Variants in PRMT5 observed in about 807,000 individuals in gnomAD.
PRMT5 encodes the protein protein arginine methyltransferase 5.
PRMT5 carries 15 observed loss-of-function variants against 84.0 expected under a neutral mutation model. The observed-to-expected ratio is 0.18, with a 90% CI of 0.12 to 0.28. PRMT5 has a LOEUF of 0.28. Ranked by LOEUF, PRMT5 falls within the 10% of genes least tolerant of loss-of-function variation. The pLI is 1.00. For synonymous variants in PRMT5, 276 were observed against 292.4 expected (o/e 0.94, Z 0.57); for missense variants, 486 against 808.0 (o/e 0.60, Z 4.83).
chr14:22,922,027 A>G, intron 16 of PRMT5, 149 bp downstream of exon 16: 1 of 729,382 alleles, frequency 1.4e-6, no homozygotes, highest in Non-Finnish European at 2.4e-6. Flanking sequence ...CACTCCAAAT[A>G]CTCCCAACAC....
intron 13 of PRMT5, 63 bp downstream of exon 13, chr14:22,922,988 C>T: frequency 6.9e-7 from 1 of 1,450,548 alleles, no homozygotes. Flanking sequence ...ATAGCTGATG[C>T]AAATACAGAA....
At position 22,923,544 on chromosome 14, in the gene PRMT5, C is replaced by T. The variant is rs1034361123; in HGVS notation, c.1376-384G>A. On this transcript the variant is annotated intron_variant, in intron 12 of 16. Coordinates refer to ENST00000324366, the MANE Select transcript of PRMT5 (RefSeq NM_006109.5). This position sits in a 1 kb window ranked among gnomAD's most constrained non-coding sequence, Gnocchi z 5.2. Reference sequence around the variant, plus strand: ...TATTTATTTATTTGAGATGGAGTCTCGCTCTGTTGCCCAGGCTGGAGTGCA... The same window carrying T: ...TATTTATTTATTTGAGATGGAGTCTTGCTCTGTTGCCCAGGCTGGAGTGCA... The T allele has an allele frequency of 6.5e-6, 1 of 153,072 alleles. No individual in the cohort carries two copies. Among genetic ancestry groups the T allele is most frequent in the Non-Finnish European group, 1.4e-5 (1 of 70,106 alleles). The allele number at this position is 153,072 out of a possible 1,614,324, so 9.5% of individuals were successfully genotyped here.
intron 16 of PRMT5, 45 bp downstream of exon 16, chr14:22,922,131 G>T: frequency 6.8e-7 from 1 of 1,478,432 alleles, no homozygotes; most frequent in African/African-American, 1.4e-5. Context: ...AACACCAAAG[G>T]CAAAGGTTAC....
chr14:22,924,119 C>G lies in PRMT5; in HGVS notation c.1264G>C (p.Glu422Gln). Residue 422 changes from glutamate (E) to glutamine (Q), a missense_variant, in exon 12 of 17, where the codon GAA (glutamate) becomes CAA (glutamine). Glu to Gln is a conservative substitution (Grantham distance 29). Transcript: ENST00000324366. This position sits in a 1 kb window ranked among gnomAD's most constrained non-coding sequence, Gnocchi z 6.5. ...QVTVVSSDMR[E>Q]WVAPEKADII... ...TCTGCTTTCTCTGGAGCCACCCATT[C>G]CCTCATGTCTGATGAGACTACGGTC... 2 of 1,613,704 alleles carry G rather than the reference C, an allele frequency of 1.2e-6. No homozygotes were observed. The highest frequency in any genetic ancestry group is 8.5e-7 in the Non-Finnish European group (1 of 1,179,782).
At position 22,929,329 on chromosome 14, in the gene PRMT5, C is replaced by T; in HGVS notation, c.33G>A (p.Gly11=). Reference sequence around the variant, plus strand: ...GGTCCCTCCCGCTGGACACGCGGCTCCCACCAGCACCCCCGACCGCCATCG... The same window carrying T: ...GGTCCCTCCCGCTGGACACGCGGCTTCCACCAGCACCCCCGACCGCCATCG... MAAMAVGGAG[G]SRVSSGRDLN... The change falls in exon 1 of 17, where the codon GGG becomes GGA. Residue 11 remains glycine, a synonymous_variant. Transcript: ENST00000324366. 6.2e-7 allele frequency: 1 copy of T among 1,611,620 alleles called. No individual in the cohort carries two copies. The highest frequency in any genetic ancestry group is 8.5e-7 in the Non-Finnish European group (1 of 1,179,416).
chr14:22,923,830 ACT>A lies in PRMT5; in HGVS notation c.1375+176_1375+177del, dbSNP rs1215688828. Among the ~76,000 whole-genome samples, 10 of 152,246 alleles carry A rather than the reference ACT, an allele frequency of 6.6e-5. No individual in the cohort carries two copies. Among genetic ancestry groups the A allele is most frequent in the Non-Finnish European group, 1.3e-4 (9 of 68,022 alleles). On this transcript the variant is annotated intron_variant, in intron 12 of 16. Transcript: ENST00000324366. The surrounding 1 kb of genome is among the most constrained non-coding windows in gnomAD (Gnocchi z 5.2). The stretch of plus-strand genomic sequence containing the variant: ...CTCCCTTCATTTTACAAATATGAAC[ACT>A]AAGGTTTGGAGAGATGACTTCATTT...
intron 5 of PRMT5, 53 bp downstream of exon 5, chr14:22,926,649 C>G: frequency 1.3e-6 from 2 of 1,594,848 alleles, no homozygotes; most frequent in Non-Finnish European, 1.7e-6. Context: ...GCACCCTGTA[C>G]TTCCCCTCAC....
chr14:22,922,002 A>G, intron 16 of PRMT5, 174 bp downstream of exon 16: 2 of 654,070 alleles, frequency 3.1e-6, no homozygotes, highest in Admixed American at 2.7e-5. Flanking sequence ...GATGCGGGAA[A>G]GCCAGGCAGA....
rs1354453445 is a variant in PRMT5, at chr14:22,928,722, T to TCA, written c.111-109_111-108dup. ...TTTTGCACAGCCCTTTCAGCTGCCATCAGTTCAGCCTACTAGGCTGCTGAG... is the reference window on the plus strand; with the variant it reads ...TTTTGCACAGCCCTTTCAGCTGCCATCACAGTTCAGCCTACTAGGCTGCTGAG... On this transcript the variant is annotated intron_variant, in intron 1 of 16. Coordinates refer to ENST00000324366, the MANE Select transcript of PRMT5 (RefSeq NM_006109.5). This position sits in a 1 kb window ranked among gnomAD's most constrained non-coding sequence, Gnocchi z 4.8. 205 of 915,490 alleles carry TCA rather than the reference T, an allele frequency of 2.2e-4. No homozygotes were observed. The highest frequency in any genetic ancestry group is 2.0e-3 in the Middle Eastern group (7 of 3,468). The allele number at this position is 915,490 out of a possible 1,614,324, so 56.7% of individuals were successfully genotyped here. A position where few individuals can be genotyped will look rare whatever the true frequency, so the allele number is the denominator to read the frequency against.
chr14:22,926,579 T>G, intron 5 of PRMT5, 24 bp from the exon 6 acceptor site: 1 of 1,613,822 alleles, frequency 6.2e-7, no homozygotes, highest in Non-Finnish European at 8.5e-7. Context: ...TACAGAAAAG[T>G]ACAGTAAACT....
Position 22,923,210 on chromosome 14 carries a change from T to G in PRMT5, c.1376-50A>C. 2 of 1,389,030 alleles carry G rather than the reference T, an allele frequency of 1.4e-6. No individual in the cohort carries two copies. The highest frequency in any genetic ancestry group is 2.0e-6 in the Non-Finnish European group (2 of 1,001,644). 86.0% of individuals were successfully genotyped at this position (1,389,030 alleles called of 1,614,324 possible). On this transcript the variant is annotated intron_variant, in intron 12 of 16. Coordinates refer to ENST00000324366, the MANE Select transcript of PRMT5 (RefSeq NM_006109.5). The surrounding 1 kb of genome is among the most constrained non-coding windows in gnomAD (Gnocchi z 5.2). ...GTTCCAGAGGGAGGGAAATGGTATG[T>G]CTGTACTAACTGAAGGATCAGAAGG...
chr14:22,925,151 C>A, intron 7 of PRMT5, 111 bp from the exon 8 acceptor site: 6 of 867,866 alleles, frequency 6.9e-6, no homozygotes, highest in South Asian at 2.3e-5. Context: ...CAACAGTTCT[C>A]TTTTTTTTTT....
rs559519081 is a variant in PRMT5 at position 22,922,784 on chromosome 14, A to C, written c.1537T>G (p.Ser513Ala). The C allele has an allele frequency of 6.2e-7, 1 of 1,614,000 alleles. No individual in the cohort carries two copies. The highest frequency in any genetic ancestry group is 2.2e-5 in the East Asian group (1 of 44,884). The change falls in exon 14 of 17, where the codon TCT becomes GCT. Residue 513 changes from serine to alanine, a missense_variant. By Grantham distance (99) the Ser-to-Ala change is moderately conservative (BLOSUM62 1). Transcript: ENST00000324366. ...VVRLHNFHQL[S>A]APQPCFTFSH... ...AAGGTGAAACAGGGCTGGGGTGCAG[A>C]GAGCTGGTGGAAGTTGTGCAGCCGT... is the stretch of plus-strand genomic sequence containing the variant.
At position 22,927,474 on chromosome 14, in the gene PRMT5, G is replaced by A. The variant is rs2044448114; in HGVS notation, c.450+52C>T. On this transcript the variant is annotated intron_variant, in intron 4 of 16. Transcript: ENST00000324366. ...ATGGCTAGGCACAAGAAGGTACTTA[G>A]CACAATCTGACTACTATGATATGCA... is the stretch of plus-strand genomic sequence containing the variant. 3.1e-6 allele frequency: 5 copies of A among 1,608,292 alleles called. No individual in the cohort carries two copies. In the East Asian group the frequency reaches 1.1e-4, roughly 36 times the overall value.
chr14:22,925,927 G>GT (rs1432332389), intron 7 of PRMT5, among the ~76,000 whole-genome samples: 1 of 152,130 alleles, frequency 6.6e-6, no homozygotes, highest in Non-Finnish European at 1.5e-5. Context: ...CTTCTGCAAA[G>GT]TTCTCATGAG....
In PRMT5 at chr14:22,929,329, C is replaced by A; in HGVS notation, c.33G>T (p.Gly11=). The A allele has an allele frequency of 6.2e-7, 1 of 1,611,620 alleles. No individual in the cohort carries two copies. Among genetic ancestry groups the A allele is most frequent in the Non-Finnish European group, 8.5e-7 (1 of 1,179,416 alleles). Residue 11 remains glycine (G), a synonymous_variant, in exon 1 of 17, where the codon GGG becomes GGT. Coordinates refer to ENST00000324366, the MANE Select transcript of PRMT5 (RefSeq NM_006109.5). The part of the protein sequence containing the change: MAAMAVGGAG[G]SRVSSGRDLN... ...GGTCCCTCCCGCTGGACACGCGGCTCCCACCAGCACCCCCGACCGCCATCG... is the reference window on the plus strand; with the variant it reads ...GGTCCCTCCCGCTGGACACGCGGCTACCACCAGCACCCCCGACCGCCATCG...
In PRMT5 at chr14:22,928,313, G is replaced by C; in HGVS notation, c.230-102C>G. ...ATCAAGAGTAGAAATGAGAGACAAA[G>C]GTTTTTTCTACATAGACATGGGATA... On this transcript the variant is annotated intron_variant, in intron 2 of 16. Transcript: ENST00000324366. This position sits in a 1 kb window ranked among gnomAD's most constrained non-coding sequence, Gnocchi z 4.8. The C allele has an allele frequency of 7.4e-7, 1 of 1,357,562 alleles. No homozygotes were observed. The highest frequency in any genetic ancestry group is 1.0e-6 in the Non-Finnish European group (1 of 957,648). The allele number at this position is 1,357,562 out of a possible 1,614,324, so 84.1% of individuals were successfully genotyped here.
chr14:22,921,884 T>TAAAAAA (rs34529278), intron 16 of PRMT5, among the ~76,000 whole-genome samples: 2 of 120,012 alleles, frequency 1.7e-5, no homozygotes, highest in Non-Finnish European at 3.3e-5. Flanking sequence ...TCCGTCTCTT[T>TAAAAAA]AAAAAAAAAA....
rs1308223784 is a variant in PRMT5 at position 22,924,084 on chromosome 14, G to A, written c.1299C>T (p.Val433=). 6 of 1,613,404 alleles carry A rather than the reference G, an allele frequency of 3.7e-6. No homozygotes were observed. Among genetic ancestry groups the A allele is most frequent in the Non-Finnish European group, 2.5e-6 (3 of 1,179,716 alleles). Residue 433 remains valine (V), a synonymous_variant, in exon 12 of 17, where the codon GTC becomes GTT. Coordinates refer to ENST00000324366, the MANE Select transcript of PRMT5 (RefSeq NM_006109.5). This position sits in a 1 kb window ranked among gnomAD's most constrained non-coding sequence, Gnocchi z 6.5. ...WVAPEKADII[V]SELLGSFADN... is the part of the protein sequence containing the mutation. The stretch of plus-strand genomic sequence containing the variant: ...CAGCAAATGAGCCCAGAAGCTCACT[G>A]ACAATGATGTCTGCTTTCTCTGGAG...
Sources: allele counts gnomAD v4.1 joint callset (sites outside exome capture counted in the v4.1 genomes callset), GRCh38; gene constraint gnomAD v4.1.1; non-coding constraint Gnocchi (gnomAD v3.1); transcripts MANE v1.5; gene names NCBI Gene and HGNC (gene_info 2026-07-23, HGNC 2026-07-21).